Variants in SDHC observed in about 807,000 individuals in gnomAD.
The protein encoded by SDHC is succinate dehydrogenase cytochrome b560 subunit, mitochondrial.
In SDHC, 11 loss-of-function variants were observed where a neutral mutation model predicts 22.6. The ratio of observed to expected loss-of-function variants is 0.49; its 90% CI spans 0.31 to 0.81. The LOEUF (loss-of-function observed/expected upper bound fraction) is 0.81. Ranked by LOEUF, SDHC falls within the 30% of genes least tolerant of loss-of-function variation. The probability of loss-of-function intolerance (pLI) is 0.05; values close to 1 mark genes in which losing one functional copy is unlikely to be tolerated. For missense variants in SDHC, 160 were observed against 212.0 expected (o/e 0.75, Z 1.52); for synonymous variants, 80 against 77.8 (o/e 1.03, Z -0.15).
At chr1:161,330,294 GA>G (rs1671226762) in intron 3 of SDHC, among the ~76,000 whole-genome samples, 1 of 152,164 alleles carries the variant, frequency 6.6e-6, no homozygotes, top group Non-Finnish European at 1.5e-5. Flanking sequence ...TCCTTTTGAG[GA>G]ACATTTTCTC....
At chr1:161,327,546 A>G (rs1224479888) in intron 2 of SDHC, among the ~76,000 whole-genome samples, 5 of 151,968 alleles carry the variant, frequency 3.3e-5, no homozygotes, top group Admixed American at 2.0e-4. Context: ...TAGTTTTAAG[A>G]TGGAGTTTAT....
At chr1:161,355,916 G>A (rs1318765136) in intron 4 of SDHC, among the ~76,000 whole-genome samples, 2 of 151,416 alleles carry the variant, frequency 1.3e-5, no homozygotes, top group East Asian at 1.9e-4. Context: ...CCCAGGAGGC[G>A]GAGGTTGCAG....
chr1:161,346,674 A>G (rs60878329), intron 4 of SDHC, among the ~76,000 whole-genome samples: 2,253 of 152,256 alleles, frequency 0.015, 52 homozygotes, highest in African/African-American at 0.052. Context: ...CTGGGATTAC[A>G]GGTATGAGCC....
intron 4 of SDHC, among the ~76,000 whole-genome samples, chr1:161,353,675 AT>A (rs1672168195): frequency 6.6e-6 from 1 of 152,094 alleles, no homozygotes; most frequent in African/African-American, 2.4e-5. Flanking sequence ...TTGAGTAGAC[AT>A]TTTTTAAAAA....
intron 3 of SDHC, 69 bp from the exon 4 acceptor site, chr1:161,340,525 C>T (rs1671682076): frequency 3.7e-6 from 5 of 1,369,558 alleles, no homozygotes; most frequent in Admixed American, 1.7e-5. Context: ...TATATTTTTG[C>T]CAAGATAGAC....
chr1:161,356,566 C>T, intron 4 of SDHC, 111 bp from the exon 5 acceptor site: 1 of 1,116,548 alleles, frequency 9.0e-7, no homozygotes, highest in South Asian at 1.3e-5. Context: ...AAAATCTTCT[C>T]CATTTCAAAA....
intron 3 of SDHC, among the ~76,000 whole-genome samples, chr1:161,333,561 G>A (rs1042270665): frequency 3.3e-5 from 5 of 152,040 alleles, no homozygotes; most frequent in South Asian, 2.1e-4. Context: ...GCGCCACCGC[G>A]CCCAACTAAT....
At chr1:161,329,542 G>C (rs554561023) in intron 3 of SDHC, among the ~76,000 whole-genome samples, 163 of 151,618 alleles carry the variant, frequency 1.1e-3, no homozygotes, top group African/African-American at 3.7e-3. Flanking sequence ...ATGTTGTCCA[G>C]GCTGGTCTCA....
rs1363555121 is a variant in SDHC, at chr1:161,328,484, A to C, written c.166A>C (p.Ile56Leu). The C allele has an allele frequency of 6.2e-7, 1 of 1,604,718 alleles. No homozygotes were observed. Among genetic ancestry groups the C allele is most frequent in the Non-Finnish European group, 8.5e-7 (1 of 1,171,430 alleles). ...IGSNRPLSPH[I>L]TIYSWSLPMA... ...TTCAAACCGTCCTCTGTCTCCCCAC[A>C]TTACTATCTACAGGTAAGGAAGGAT... Residue 56 changes from isoleucine to leucine, a missense_variant, in exon 3 of 6, where the codon ATT becomes CTT. Physicochemically the swap from Ile to Leu is conservative, Grantham distance 5 (BLOSUM62 2). This residue lies in a region of SDHC where 86 missense variants were observed against 83.4 expected (regional missense o/e 1.03). Coordinates refer to ENST00000367975, the MANE Select transcript of SDHC (RefSeq NM_003001.5).
chr1:161,341,558 C>G (rs934656164), intron 4 of SDHC, among the ~76,000 whole-genome samples: 1 of 152,166 alleles, frequency 6.6e-6, no homozygotes, highest in African/African-American at 2.4e-5. Flanking sequence ...ATATACTTTA[C>G]AAGAGGGTCA....
At chr1:161,331,897 A>G (rs1671290527) in intron 3 of SDHC, among the ~76,000 whole-genome samples, 1 of 152,172 alleles carries the variant, frequency 6.6e-6, no homozygotes, top group Non-Finnish European at 1.5e-5. Flanking sequence ...GCCTGGCAAC[A>G]GTGAATATCT....
intron 5 of SDHC, among the ~76,000 whole-genome samples, chr1:161,361,748 C>G (rs1672517064): frequency 7.0e-6 from 1 of 142,142 alleles, no homozygotes. Flanking sequence ...GAGGCTGAGG[C>G]AAGAGAATGG....
intron 5 of SDHC, among the ~76,000 whole-genome samples, chr1:161,360,712 A>G (rs562350214): frequency 2.0e-4 from 31 of 151,820 alleles, no homozygotes; most frequent in Non-Finnish European, 3.5e-4. Context: ...ACAAGAGTCT[A>G]TCTCTATTTT....
chr1:161,332,024 G>A (rs1671295810), intron 3 of SDHC, among the ~76,000 whole-genome samples: 1 of 152,094 alleles, frequency 6.6e-6, no homozygotes, highest in South Asian at 2.1e-4. Flanking sequence ...ACCCAGGCTG[G>A]AGTGTAGTAG....
intron 4 of SDHC, among the ~76,000 whole-genome samples, chr1:161,354,649 G>A (rs1215069382): frequency 7.4e-6 from 1 of 135,852 alleles, no homozygotes; most frequent in Non-Finnish European, 1.6e-5. Flanking sequence ...TTTTACAGAT[G>A]ATGTCTTATT....
At chr1:161,339,581 TG>T in intron 3 of SDHC, 1 of 1,267,478 alleles carries the variant, frequency 7.9e-7, no homozygotes, top group Non-Finnish European at 1.0e-6. Flanking sequence ...TGATGCAGTC[TG>T]GTAAAGGTAG....
At position 161,362,714 on chromosome 1, in the gene SDHC, T is replaced by G. The variant is rs1672576025; in HGVS notation, c.*281T>G. ...TAGAAGCAGTTATTCTCTCTCCATA[T>G]TGGGCTTTGATTTGTGCTGAGGGTC... On this transcript the variant is annotated 3_prime_UTR_variant, in exon 6 of 6. Coordinates refer to ENST00000367975, the MANE Select transcript of SDHC (RefSeq NM_003001.5). The G allele has an allele frequency of 1.7e-6, 1 of 603,258 alleles. No individual in the cohort carries two copies. The highest frequency in any genetic ancestry group is 1.9e-5 in the African/African-American group (1 of 53,764). The allele number at this position is 603,258 out of a possible 1,614,324, so 37.4% of individuals were successfully genotyped here.
At chr1:161,343,855 A>G (rs1671802472) in intron 4 of SDHC, among the ~76,000 whole-genome samples, 1 of 152,176 alleles carries the variant, frequency 6.6e-6, no homozygotes, top group Non-Finnish European at 1.5e-5. Context: ...TTTTTTATAG[A>G]CTATAATGAT....
intron 4 of SDHC, among the ~76,000 whole-genome samples, chr1:161,354,069 T>C (rs1558181474): frequency 6.6e-6 from 1 of 152,184 alleles, no homozygotes; most frequent in Non-Finnish European, 1.5e-5. Context: ...CAGGCTGGTC[T>C]TGAATTCCTG....
Sources: gnomAD v4.1 joint callset for allele counts (sites outside exome capture counted in the v4.1 genomes callset) on GRCh38, gnomAD v4.1.1 for gene constraint, gnomAD v4.1.1 regional missense constraint, MANE v1.5 for transcripts, NCBI Gene and HGNC (gene_info 2026-07-23, HGNC 2026-07-21) for gene names.